PCNX1: variants seen among roughly 807,000 people sequenced by gnomAD.
PCNX1 encodes the protein pecanex 1.
Under a neutral mutation model 242.2 loss-of-function variants are expected in PCNX1, and 78 were observed. The observed-to-expected ratio is 0.32, with a 90% CI of 0.27 to 0.39. PCNX1 has a LOEUF of 0.39. Ranked by LOEUF, PCNX1 falls within the 10% of genes least tolerant of loss-of-function variation. The pLI, the probability that PCNX1 is intolerant of heterozygous loss-of-function variation, is 1.00. For synonymous variants in PCNX1, 1,024 were observed against 1,032.9 expected, an observed-to-expected ratio of 0.99 and a Z score of 0.17; for missense variants, 2,581 against 2,856.5, an observed-to-expected ratio of 0.90 and a Z score of 2.20.
intron 1 of PCNX1, among the ~76,000 whole-genome samples, chr14:70,945,072 A>T (rs2057404386): frequency 6.6e-6 from 1 of 152,064 alleles, no homozygotes; most frequent in Non-Finnish European, 1.5e-5. Context: ...CCCTCCCTGG[A>T]GGTTGAGAGT....
intron 19 of PCNX1, among the ~76,000 whole-genome samples, chr14:71,038,391 A>C (rs1433406994): frequency 2.6e-3 from 378 of 144,600 alleles, no homozygotes; most frequent in Middle Eastern, 7.0e-3. Flanking sequence ...AAAAACAAAC[A>C]ACCCCATCAA....
intron 8 of PCNX1, among the ~76,000 whole-genome samples, chr14:71,000,563 G>A (rs1237456177): frequency 8.8e-6 from 1 of 113,742 alleles, no homozygotes; most frequent in Non-Finnish European, 1.7e-5. Flanking sequence ...GTCTCACTTT[G>A]TCGCCCAGGC....
chr14:71,066,409 C>T (rs1264036962), intron 26 of PCNX1, among the ~76,000 whole-genome samples: 3 of 151,986 alleles, frequency 2.0e-5, no homozygotes, highest in African/African-American at 7.2e-5. Flanking sequence ...ATTTGACTCT[C>T]TGTTTGTTAT....
rs764821377 is a variant in PCNX1 at position 71,106,082 on chromosome 14, C to A, written c.6301+642C>A. Among the ~76,000 whole-genome samples, 5 of 151,988 alleles carry A rather than the reference C, an allele frequency of 3.3e-5. No individual in the cohort carries two copies. In the South Asian group the frequency reaches 1.0e-3, roughly 32 times the overall value. On this transcript the variant is annotated intron_variant, in intron 33 of 35. Transcript: ENST00000304743. ...AGGCTGGAGTGCAGTGGTGCCATCT[C>A]GGCTCACTGCAAGCTCTGCCTCCTG...
At chr14:71,061,158 A>G (rs2061316618) in intron 26 of PCNX1, among the ~76,000 whole-genome samples, 1 of 152,186 alleles carries the variant, frequency 6.6e-6, no homozygotes, top group Non-Finnish European at 1.5e-5. Flanking sequence ...TCAAGTTATT[A>G]AGGACAGGAT....
At chr14:71,099,628 GTTTC>G (rs1243669543) in intron 30 of PCNX1, among the ~76,000 whole-genome samples, 1 of 152,168 alleles carries the variant, frequency 6.6e-6, no homozygotes, top group East Asian at 1.9e-4. Flanking sequence ...TAAGTCCAGA[GTTTC>G]TTTGTTAGTT....
At chr14:71,083,751 A>G (rs954849250) in intron 28 of PCNX1, among the ~76,000 whole-genome samples, 5 of 151,830 alleles carry the variant, frequency 3.3e-5, no homozygotes, top group African/African-American at 1.2e-4. Flanking sequence ...AATTCCTCTG[A>G]CCTTTTTTCA....
intron 8 of PCNX1, among the ~76,000 whole-genome samples, chr14:71,005,914 A>G (rs2059643443): frequency 6.6e-6 from 1 of 150,730 alleles, no homozygotes; most frequent in Non-Finnish European, 1.5e-5. Context: ...AATACTAGGT[A>G]TCTTAACTTT....
chr14:71,064,501 G>T (rs2061400576), intron 26 of PCNX1, among the ~76,000 whole-genome samples: 3 of 152,008 alleles, frequency 2.0e-5, no homozygotes. Context: ...ACAGTGATCT[G>T]CACAAAATAC....
intron 2 of PCNX1, among the ~76,000 whole-genome samples, chr14:70,949,284 C>CGCACACACGTGTGTAT (rs1555345929): frequency 1.3e-4 from 9 of 70,662 alleles, no homozygotes; most frequent in African/African-American, 3.9e-4. Flanking sequence ...CACGTGTATA[C>CGCACACACGTGTGTAT]ACACACGTGT....
chr14:71,064,555 C>T (rs1049163886), intron 26 of PCNX1, among the ~76,000 whole-genome samples: 1 of 152,204 alleles, frequency 6.6e-6, no homozygotes, highest in Admixed American at 6.6e-5. Context: ...TGATAAACTT[C>T]CTGGAAAGAA....
chr14:70,973,308 CTT>C (rs1339179616), intron 5 of PCNX1, among the ~76,000 whole-genome samples: 2 of 151,470 alleles, frequency 1.3e-5, no homozygotes, highest in Non-Finnish European at 2.9e-5. Context: ...CCCTGAGCCT[CTT>C]TAGTTTAAGA....
chr14:70,984,469 C>T (rs1397002058), intron 6 of PCNX1, among the ~76,000 whole-genome samples: 1 of 151,232 alleles, frequency 6.6e-6, no homozygotes, highest in African/African-American at 2.4e-5. Flanking sequence ...TCACTGCAAG[C>T]TCCACCTTCT....
rs192362576 is a variant in PCNX1 at position 70,968,920 on chromosome 14, T to A, written c.515-101T>A. ...GATACACAAAAACTACTTTAGTTGA[T>A]AGACATTAGTACTCCTTGATGTATT... On this transcript the variant is annotated intron_variant, in intron 4 of 35. Transcript: ENST00000304743. 4.3e-4 allele frequency: 292 copies of A among 673,858 alleles called. 1 individual carries two copies. In the African/African-American group the frequency reaches 4.9e-3, roughly 11 times the overall value. 41.7% of individuals were successfully genotyped at this position (673,858 alleles called of 1,614,324 possible).
At chr14:70,966,722 T>C (rs2058389952) in intron 3 of PCNX1, among the ~76,000 whole-genome samples, 1 of 152,214 alleles carries the variant, frequency 6.6e-6, no homozygotes, top group Non-Finnish European at 1.5e-5. Context: ...ATATCCGTGT[T>C]TAAAAATTTT....
intron 1 of PCNX1, among the ~76,000 whole-genome samples, chr14:70,923,533 T>G (rs2056460185): frequency 6.6e-6 from 1 of 152,214 alleles, no homozygotes; most frequent in Non-Finnish European, 1.5e-5. Context: ...CCTCCTGTTG[T>G]CCACTCGTGT....
Position 70,907,949 on chromosome 14 carries a change from G to A in PCNX1, c.99G>A (p.Ala33=). 1.9e-6 allele frequency: 3 copies of A among 1,597,510 alleles called. No homozygotes were observed. Among genetic ancestry groups the A allele is most frequent in the Admixed American group, 1.7e-5 (1 of 58,076 alleles). Residue 33 remains alanine, a synonymous_variant, in exon 1 of 36, where the codon GCG becomes GCA. Coordinates refer to ENST00000304743, the MANE Select transcript of PCNX1 (RefSeq NM_014982.3). ...CGCACCAGGCCACCTTCGTGAACGC[G>A]CTGCACCTCTACCTGTGGCTCTTTC... The part of the protein sequence containing the change: ...YDPHQATFVN[A]LHLYLWLFLL...
chr14:71,075,608 A>G (rs1306520916), intron 27 of PCNX1, among the ~76,000 whole-genome samples: 1 of 152,112 alleles, frequency 6.6e-6, no homozygotes, highest in Non-Finnish European at 1.5e-5. Context: ...TAAAATCCAT[A>G]GATTAGGGCC....
chr14:71,018,891 C>A, intron 11 of PCNX1, 118 bp from the exon 12 acceptor site: 1 of 806,622 alleles, frequency 1.2e-6, no homozygotes, highest in Non-Finnish European at 1.9e-6. Context: ...AAACTCAGTA[C>A]CAAAAAGACA....
Sources: gnomAD v4.1 joint callset for allele counts (sites outside exome capture counted in the v4.1 genomes callset) on GRCh38, gnomAD v4.1.1 for gene constraint, MANE v1.5 for transcripts, NCBI Gene and HGNC (gene_info 2026-07-23, HGNC 2026-07-21) for gene names.